PPP4R2: variants seen among roughly 807,000 people sequenced by gnomAD.
The protein encoded by PPP4R2 is protein phosphatase 4 regulatory subunit 2.
Under a neutral mutation model 47.2 loss-of-function variants are expected in PPP4R2, and 13 were observed. The ratio of observed to expected loss-of-function variants is 0.28; its 90% CI spans 0.18 to 0.44. The LOEUF (loss-of-function observed/expected upper bound fraction) is 0.44. Ranked by LOEUF, PPP4R2 falls within the 20% of genes least tolerant of loss-of-function variation. The pLI is 1.00. For missense variants in PPP4R2, 421 were observed against 491.2 expected (o/e 0.86, Z 1.35); for synonymous variants, 151 against 163.3 (o/e 0.92, Z 0.57).
At chr3:73,062,263 G>T (rs755141906) in intron 5 of PPP4R2, 1 of 1,602,586 alleles carries the variant, frequency 6.2e-7, no homozygotes, top group Non-Finnish European at 8.5e-7. Flanking sequence ...AGCAGCCCAG[G>T]AGATGACGCA....
intron 3 of PPP4R2, among the ~76,000 whole-genome samples, chr3:73,049,096 GAAAA>G (rs540276949): frequency 6.6e-6 from 1 of 151,324 alleles, no homozygotes; most frequent in Admixed American, 6.6e-5. Flanking sequence ...TCAGAAAAAG[GAAAA>G]AAAACATTTT....
intron 2 of PPP4R2, among the ~76,000 whole-genome samples, chr3:73,005,457 T>C (rs1701588472): frequency 6.6e-6 from 1 of 152,144 alleles, no homozygotes; most frequent in Admixed American, 6.6e-5. Context: ...TTTGGTTTTT[T>C]TGTTGGGGAG....
Position 73,014,166 on chromosome 3 carries a change from CAG to C in PPP4R2, c.116+16010_116+16011del, listed in dbSNP as rs1421795204. Among the ~76,000 whole-genome samples, 4 of 130,976 alleles carry C rather than the reference CAG, an allele frequency of 3.1e-5. 1 individual carries two copies. In the East Asian group the frequency reaches 7.8e-4, roughly 26 times the overall value. The allele number at this position is 130,976 out of a possible 152,430, so 85.9% of individuals were successfully genotyped here. On this transcript the variant is annotated intron_variant, in intron 2 of 8. Coordinates refer to ENST00000356692, the MANE Select transcript of PPP4R2 (RefSeq NM_174907.4). ...TGATTATGTACGTTACTATGTTTGA[CAG>C]ATACTGCCAGCTGGCTTTCCAAAAA...
At chr3:73,061,921 TA>T in intron 5 of PPP4R2, 1 of 591,616 alleles carries the variant, frequency 1.7e-6, no homozygotes, top group Non-Finnish European at 3.0e-6. Flanking sequence ...AATAAGATAC[TA>T]AAATAATCCC....
chr3:73,053,878 C>T (rs1352110107), intron 3 of PPP4R2, among the ~76,000 whole-genome samples: 1 of 135,440 alleles, frequency 7.4e-6, no homozygotes, highest in African/African-American at 2.8e-5. Flanking sequence ...CACTGCACTC[C>T]AGCGTGGGTG....
intron 7 of PPP4R2, 116 bp downstream of exon 7, chr3:73,064,262 C>G (rs143757507): frequency 5.6e-6 from 5 of 889,748 alleles, no homozygotes; most frequent in Non-Finnish European, 8.4e-6. Flanking sequence ...GGTTTTCATG[C>G]GGTTTATAGG....
chr3:73,028,977 C>T (rs1177765890), intron 2 of PPP4R2, among the ~76,000 whole-genome samples: 2 of 152,180 alleles, frequency 1.3e-5, no homozygotes, highest in Admixed American at 6.5e-5. Flanking sequence ...GAGACAGTCT[C>T]ACTCTGTCAT....
rs1253000721 is a variant in PPP4R2, at chr3:73,065,138, G to C, written c.925G>C (p.Glu309Gln). The C allele has an allele frequency of 6.2e-7, 1 of 1,606,102 alleles. No individual in the cohort carries two copies. The highest frequency in any genetic ancestry group is 1.7e-5 in the Admixed American group (1 of 58,500). Residue 309 changes from glutamate to glutamine, a missense_variant, in exon 8 of 9, where the codon GAA becomes CAA. Physicochemically the swap from Glu to Gln is conservative, Grantham distance 29. Transcript: ENST00000356692. The stretch of plus-strand genomic sequence containing the variant: ...TGAAGAAGAGGATGAAGAGGAAGAA[G>C]AAGGTATTTAGAGACCATCTGTAAA... ...EDEEEDEEEEEESFMTSREMI... is the reference protein window; with the variant it reads ...EDEEEDEEEEQESFMTSREMI...
In PPP4R2 at chr3:73,063,996, A is replaced by C; in HGVS notation, c.495-7A>C. 1.9e-6 allele frequency: 3 copies of C among 1,580,288 alleles called. No individual in the cohort carries two copies. The highest frequency in any genetic ancestry group is 2.6e-6 in the Non-Finnish European group (3 of 1,169,440). Reference sequence around the variant, plus strand: ...ATAGGAAATGATGTTCATTTATCTTATTATAGGTCTAATATAAATGGGCCT... The same window carrying C: ...ATAGGAAATGATGTTCATTTATCTTCTTATAGGTCTAATATAAATGGGCCT... On this transcript the variant is annotated splice_region_variant and splice_polypyrimidine_tract_variant and intron_variant, in intron 6 of 8. Coordinates refer to ENST00000356692, the MANE Select transcript of PPP4R2 (RefSeq NM_174907.4).
intron 2 of PPP4R2, among the ~76,000 whole-genome samples, chr3:73,005,528 ATTC>A (rs1480527191): frequency 1.3e-5 from 2 of 151,728 alleles, no homozygotes; most frequent in African/African-American, 4.8e-5. Context: ...TTTGTCTTGA[ATTC>A]TTCTTTTGAG....
intron 2 of PPP4R2, among the ~76,000 whole-genome samples, chr3:73,011,144 A>G (rs1440671998): frequency 6.6e-6 from 1 of 152,064 alleles, no homozygotes; most frequent in Non-Finnish European, 1.5e-5. Context: ...CTCCTCCTCT[A>G]CTGTAACAGT....
intron 5 of PPP4R2, chr3:73,062,396 AGC>A: frequency 1.2e-6 from 2 of 1,607,492 alleles, no homozygotes; most frequent in Non-Finnish European, 1.7e-6. Flanking sequence ...ACATTAAAAA[AGC>A]AGCCAAGTCT....
At chr3:73,043,814 A>G (rs753466993) in intron 2 of PPP4R2, among the ~76,000 whole-genome samples, 8 of 152,240 alleles carry the variant, frequency 5.3e-5, no homozygotes, top group Non-Finnish European at 7.3e-5. Context: ...TATTGCCAGT[A>G]AGTACACTCA....
At chr3:73,045,436 A>G (rs1183478722) in intron 2 of PPP4R2, among the ~76,000 whole-genome samples, 3 of 152,032 alleles carry the variant, frequency 2.0e-5, no homozygotes, top group Non-Finnish European at 4.4e-5. Flanking sequence ...TCAAATTTTT[A>G]TCATTGGTAA....
chr3:73,004,944 CGT>C (rs67945272), intron 2 of PPP4R2, among the ~76,000 whole-genome samples: 28,386 of 116,418 alleles, frequency 0.24, 3,522 homozygotes, highest in Non-Finnish European at 0.32. Flanking sequence ...GAGTCGGAGT[CGT>C]GTGTGTGTGT....
intron 5 of PPP4R2, chr3:73,063,378 C>G: frequency 4.1e-6 from 1 of 243,012 alleles, no homozygotes; most frequent in Non-Finnish European, 8.1e-6. Context: ...AATCCCAGCA[C>G]TTTGGGAGGC....
At chr3:73,011,672 T>G (rs1701727428) in intron 2 of PPP4R2, among the ~76,000 whole-genome samples, 1 of 152,088 alleles carries the variant, frequency 6.6e-6, no homozygotes, top group Non-Finnish European at 1.5e-5. Context: ...ACATTTGTAA[T>G]TTTGACTATT....
At chr3:73,050,080 A>G (rs1702579890) in intron 3 of PPP4R2, among the ~76,000 whole-genome samples, 1 of 152,068 alleles carries the variant, frequency 6.6e-6, no homozygotes, top group Non-Finnish European at 1.5e-5. Context: ...AGCTGGCATT[A>G]CAGGGTGCAT....
At chr3:73,041,209 G>A (rs1702372941) in intron 2 of PPP4R2, among the ~76,000 whole-genome samples, 1 of 152,116 alleles carries the variant, frequency 6.6e-6, no homozygotes. Context: ...GCTCTCTTCT[G>A]TTCCACTGAT....
Sources: gnomAD v4.1 joint callset for allele counts (sites outside exome capture counted in the v4.1 genomes callset) on GRCh38, gnomAD v4.1.1 for gene constraint, MANE v1.5 for transcripts, NCBI Gene and HGNC (gene_info 2026-07-23, HGNC 2026-07-21) for gene names.